The following CLDN14 variants were observed in gnomAD, a reference collection of about 807,000 sequenced individuals.
CLDN14 encodes the protein claudin 14, also known as claudin-14.
A neutral mutation model predicts 2.1 loss-of-function variants in CLDN14; 2 were observed. That is an observed-to-expected ratio of 0.96 (90% CI 0.39 to 3.01). CLDN14 has a LOEUF of 3.01. CLDN14 is among the 30% of genes most tolerant of loss of function. The pLI is 0.09. For missense variants in CLDN14, 298 were observed against 328.0 expected, an observed-to-expected ratio of 0.91 and a Z score of 0.71; for synonymous variants, 136 against 154.4, an observed-to-expected ratio of 0.88 and a Z score of 0.88.
chr21:36,470,516 G>A (rs546567564), intron 1 of CLDN14, among the ~76,000 whole-genome samples: 27 of 152,316 alleles, frequency 1.8e-4, no homozygotes, highest in Non-Finnish European at 1.2e-4. Context: ...CACAGCCCTG[G>A]AAGGAACCAG....
At position 36,461,447 on chromosome 21, in the gene CLDN14, G is replaced by A; in HGVS notation, c.249C>T (p.Leu83=). The stretch of plus-strand genomic sequence containing the variant: ...CCGAGAGCAGGCAGGAGATGACCAT[G>A]AGGGCGCGGGCAGCCTGGAGGTCTT... The part of the protein sequence containing the change: ...LPQDLQAARA[L]MVISCLLSGI... Residue 83 remains leucine (L), a synonymous_variant, in exon 2 of 2, where the codon CTC becomes CTT. Transcript: ENST00000399135. 1 of 1,613,406 alleles carries A rather than the reference G, an allele frequency of 6.2e-7. No homozygotes were observed. The highest frequency in any genetic ancestry group is 8.5e-7 in the Non-Finnish European group (1 of 1,180,006).
intron 1 of CLDN14, among the ~76,000 whole-genome samples, chr21:36,569,710 G>T (rs1363430057): frequency 6.6e-6 from 1 of 152,188 alleles, no homozygotes; most frequent in Admixed American, 6.5e-5. Context: ...TGGTCATGAG[G>T]GTGGGAAGAT....
At chr21:36,523,117 A>C (rs1419754727) in intron 1 of CLDN14, among the ~76,000 whole-genome samples, 2 of 152,124 alleles carry the variant, frequency 1.3e-5, no homozygotes, top group African/African-American at 4.8e-5. Flanking sequence ...GTCAGGGAGC[A>C]AGCTTGATTG....
At chr21:36,523,781 G>GAGAGAGAGAGAGAGAGAGAGAAAGAA (rs1568868851) in intron 1 of CLDN14, among the ~76,000 whole-genome samples, 15 of 38,380 alleles carry the variant, frequency 3.9e-4, no homozygotes, top group African/African-American at 1.1e-3. Flanking sequence ...GAGAGAAAGA[G>GAGAGAGAGAGAGAGAGAGAGAAAGAA]AGAAAGAAAG....
At chr21:36,507,765 A>G (rs1056136391) in intron 2 of CLDN14, among the ~76,000 whole-genome samples, 18 of 152,136 alleles carry the variant, frequency 1.2e-4, no homozygotes, top group Admixed American at 1.2e-3. Context: ...CTCCATCTCA[A>G]AAAAAGAAAA....
rs1246160913 is a variant in CLDN14, at chr21:36,551,896, C to G, written c.-220+24515G>C. ...CAGCCCTGCTGCTCCCAGCCGCAGA[C>G]AAGCCATCCTTCTTGGCTGCTGTTT... On this transcript the variant is annotated intron_variant, in intron 1 of 2. Coordinates refer to the CLDN14 transcript ENST00000342108. This position sits in a 1 kb window ranked among gnomAD's most constrained non-coding sequence, Gnocchi z 4.8. 6.6e-6 allele frequency among the ~76,000 whole-genome samples: 1 copy of G among 152,164 alleles called. No individual in the cohort carries two copies. The highest frequency in any genetic ancestry group is 6.5e-5 in the Admixed American group (1 of 15,272).
Position 36,461,639 on chromosome 21 carries a change from C to T in CLDN14, c.57G>A (p.Val19=). 6.3e-7 allele frequency: 1 copy of T among 1,579,072 alleles called. No individual in the cohort carries two copies. The change falls in exon 2 of 2, where the codon GTG becomes GTA. Residue 19 remains valine, a synonymous_variant. Transcript: ENST00000399135. ...LGFLLSFLGM[V]GTLITTILPH... is the part of the protein sequence containing the mutation. ...GCAGGATGGTGGTGATCAACGTGCCCACCATGCCCAGGAAGCTGAGCAGGA... is the reference window on the plus strand; with the variant it reads ...GCAGGATGGTGGTGATCAACGTGCCTACCATGCCCAGGAAGCTGAGCAGGA...
chr21:36,493,106 T>A (rs770193282), intron 2 of CLDN14, among the ~76,000 whole-genome samples: 2 of 152,188 alleles, frequency 1.3e-5, no homozygotes, highest in Non-Finnish European at 2.9e-5. Flanking sequence ...GCACGTGTTT[T>A]GTTTACCGGT....
intron 1 of CLDN14, among the ~76,000 whole-genome samples, chr21:36,478,252 CA>C (rs1418878939): frequency 2.0e-5 from 3 of 152,172 alleles, no homozygotes; most frequent in Admixed American, 6.5e-5. Flanking sequence ...ACCCTTTATA[CA>C]GATGGGTAAA....
intron 1 of CLDN14, among the ~76,000 whole-genome samples, chr21:36,521,304 G>A (rs1472778882): frequency 6.6e-6 from 1 of 152,146 alleles, no homozygotes; most frequent in Non-Finnish European, 1.5e-5. Flanking sequence ...ACCCCTTCTG[G>A]TAACTTGGAG....
chr21:36,519,831 G>A (rs961926311), intron 1 of CLDN14, among the ~76,000 whole-genome samples: 1 of 152,176 alleles, frequency 6.6e-6, no homozygotes, highest in Non-Finnish European at 1.5e-5. Flanking sequence ...CGTCTTCTCT[G>A]TTCCTTCCAA....
chr21:36,485,887 A>G, intron 2 of CLDN14: 2 of 589,146 alleles, frequency 3.4e-6, no homozygotes, highest in Non-Finnish European at 2.8e-6. Flanking sequence ...AGCTTTATTT[A>G]GGCTGTAATG....
At chr21:36,490,741 C>T (rs180759982) in intron 2 of CLDN14, among the ~76,000 whole-genome samples, 3 of 152,150 alleles carry the variant, frequency 2.0e-5, no homozygotes, top group Non-Finnish European at 2.9e-5. Context: ...CTCTATGCTG[C>T]GGAGGCTGGT....
At chr21:36,563,092 G>A (rs9982720) in intron 1 of CLDN14, among the ~76,000 whole-genome samples, 1 of 60,582 alleles carries the variant, frequency 1.7e-5, no homozygotes, top group African/African-American at 4.3e-5. Context: ...TAACTTAAAA[G>A]TAAAAGAAGG....
At chr21:36,562,186 G>A (rs2087640865) in intron 1 of CLDN14, among the ~76,000 whole-genome samples, 1 of 152,120 alleles carries the variant, frequency 6.6e-6, no homozygotes, top group African/African-American at 2.4e-5. Context: ...TTGTCACACA[G>A]GGAAACAGAT....
intron 1 of CLDN14, among the ~76,000 whole-genome samples, chr21:36,573,073 A>C (rs941524557): frequency 6.6e-6 from 1 of 152,188 alleles, no homozygotes; most frequent in South Asian, 2.1e-4. Context: ...AGGCCGAGGC[A>C]GGTGGATCAC....
Position 36,461,438 on chromosome 21 carries a change from G to A in CLDN14, c.258C>T (p.Ile86=). The change falls in exon 2 of 2, where the codon ATC becomes ATT. Residue 86 remains isoleucine (I), a synonymous_variant. Coordinates refer to ENST00000399135, the MANE Select transcript of CLDN14 (RefSeq NM_001146079.2). ...AGGCTATGCCCGAGAGCAGGCAGGAGATGACCATGAGGGCGCGGGCAGCCT... is the reference window on the plus strand; with the variant it reads ...AGGCTATGCCCGAGAGCAGGCAGGAAATGACCATGAGGGCGCGGGCAGCCT... ...DLQAARALMV[I]SCLLSGIACA... 1 of 1,613,390 alleles carries A rather than the reference G, an allele frequency of 6.2e-7. No homozygotes were observed.
chr21:36,518,597 T>TCAAA (rs34119785), intron 1 of CLDN14, among the ~76,000 whole-genome samples: 96,723 of 150,798 alleles, frequency 0.64, 35,436 homozygotes, highest in Non-Finnish European at 0.85. Context: ...AGACTCTGTC[T>TCAAA]CAAACAAACA....
At position 36,544,082 on chromosome 21, in the gene CLDN14, T is replaced by C. The variant is rs935535707; in HGVS notation, c.-220+32329A>G. Among the ~76,000 whole-genome samples the C allele has an allele frequency of 7.2e-5, 11 of 152,210 alleles. No individual in the cohort carries two copies. Among genetic ancestry groups the C allele is most frequent in the Admixed American group, 2.0e-4 (3 of 15,290 alleles). Reference sequence around the variant, plus strand: ...GAATTGCTAGCAGCCGGGTTTCAATTTGGGGACCCAATGGGTGACACCCAG... The same window carrying C: ...GAATTGCTAGCAGCCGGGTTTCAATCTGGGGACCCAATGGGTGACACCCAG... On this transcript the variant is annotated intron_variant, in intron 1 of 2. Coordinates refer to the CLDN14 transcript ENST00000342108. The surrounding 1 kb of genome is among the most constrained non-coding windows in gnomAD (Gnocchi z 4.1).
Sources: allele counts gnomAD v4.1 joint callset (sites outside exome capture counted in the v4.1 genomes callset), GRCh38; gene constraint gnomAD v4.1.1; non-coding constraint Gnocchi (gnomAD v3.1); transcripts MANE v1.5; gene names NCBI Gene and HGNC (gene_info 2026-07-23, HGNC 2026-07-21).